The following ERC2 variants were observed in gnomAD, a reference collection of about 807,000 sequenced individuals.
ERC2 encodes the protein ELKS/RAB6-interacting/CAST family member 2, also known as ERC protein 2.
Under a neutral mutation model 114.8 loss-of-function variants are expected in ERC2, and 42 were observed. That is an observed-to-expected ratio of 0.37 (90% CI 0.29 to 0.47). The LOEUF is 0.47. ERC2 is among the 20% of genes least tolerant of loss of function. The pLI is 0.99. For synonymous variants in ERC2, 454 were observed against 425.5 expected (o/e 1.07, Z -0.82); for missense variants, 939 against 1,150.7 (o/e 0.82, Z 2.66).
intron 2 of ERC2, among the ~76,000 whole-genome samples, chr3:56,312,548 C>T (rs1428700975): frequency 6.6e-6 from 1 of 152,120 alleles, no homozygotes; most frequent in East Asian, 1.9e-4. Context: ...GATCATTACA[C>T]ATTCTATGCA....
intron 2 of ERC2, among the ~76,000 whole-genome samples, chr3:56,344,741 G>T (rs2058239747): frequency 6.6e-6 from 1 of 152,192 alleles, no homozygotes; most frequent in African/African-American, 2.4e-5. Flanking sequence ...CTCTGGTAAT[G>T]GTGGATCATT....
At chr3:55,879,422 G>T (rs2063020486) in intron 14 of ERC2, among the ~76,000 whole-genome samples, 1 of 152,106 alleles carries the variant, frequency 6.6e-6, no homozygotes, top group South Asian at 2.1e-4. Flanking sequence ...TCTTCTTACA[G>T]TCACTTCCTT....
At chr3:55,975,979 A>T (rs1024197232) in intron 12 of ERC2, among the ~76,000 whole-genome samples, 5 of 152,198 alleles carry the variant, frequency 3.3e-5, no homozygotes, top group Non-Finnish European at 7.3e-5. Flanking sequence ...TTCATATAGA[A>T]TTTGTCACCC....
At chr3:55,980,222 T>C (rs2069998823) in intron 12 of ERC2, among the ~76,000 whole-genome samples, 1 of 151,952 alleles carries the variant, frequency 6.6e-6, no homozygotes, top group Non-Finnish European at 1.5e-5. Flanking sequence ...TTAATATTAC[T>C]CTGAATCTAG....
intron 12 of ERC2, among the ~76,000 whole-genome samples, chr3:55,982,081 G>C (rs1322349218): frequency 6.6e-6 from 1 of 152,182 alleles, no homozygotes. Context: ...TAAAAGGAGA[G>C]GCTGGCTGGA....
chr3:55,722,314 A>T (rs1213097233), intron 15 of ERC2, among the ~76,000 whole-genome samples: 1 of 152,110 alleles, frequency 6.6e-6, no homozygotes, highest in African/African-American at 2.4e-5. Flanking sequence ...TAGCAACTGC[A>T]CGTGGGGAGC....
At chr3:55,672,167 A>G (rs1228074027) in intron 17 of ERC2, among the ~76,000 whole-genome samples, 1 of 151,924 alleles carries the variant, frequency 6.6e-6, no homozygotes, top group East Asian at 1.9e-4. Context: ...GCAAGATGCC[A>G]TCTCTAGGCC....
intron 17 of ERC2, among the ~76,000 whole-genome samples, chr3:55,670,199 A>C (rs1189122302): frequency 6.6e-6 from 1 of 152,218 alleles, no homozygotes; most frequent in African/African-American, 2.4e-5. Context: ...CACAGCTTTC[A>C]GGGACAGATC....
rs925359175 is a variant in ERC2, at chr3:56,219,251, A to C, written c.1075-45731T>G. ...ACTAAAGAACTTACTCATGTAACCA[A>C]ACACCACCTGCTCCCCTGAAACCTA... On this transcript the variant is annotated intron_variant, in intron 3 of 17. Transcript: ENST00000288221. Among the ~76,000 whole-genome samples, 34 of 152,258 alleles carry C rather than the reference A, an allele frequency of 2.2e-4. 1 individual carries two copies. In the South Asian group the frequency reaches 3.1e-3, roughly 14 times the overall value.
chr3:56,260,951 C>T (rs922012661), intron 3 of ERC2, among the ~76,000 whole-genome samples: 6 of 152,230 alleles, frequency 3.9e-5, no homozygotes, highest in African/African-American at 1.4e-4. Context: ...CTTGTCCACT[C>T]TATTGGTATT....
intron 13 of ERC2, among the ~76,000 whole-genome samples, chr3:55,939,850 T>G (rs966958836): frequency 4.6e-5 from 7 of 152,250 alleles, no homozygotes; most frequent in African/African-American, 1.7e-4. Context: ...CTGCACTGTG[T>G]ATCTTGTGTC....
At chr3:56,311,083 T>A (rs1318511779) in intron 2 of ERC2, among the ~76,000 whole-genome samples, 1 of 151,486 alleles carries the variant, frequency 6.6e-6, no homozygotes, top group Non-Finnish European at 1.5e-5. Context: ...AGTGGGTCAT[T>A]CACTCATTGA....
intron 2 of ERC2, among the ~76,000 whole-genome samples, chr3:56,327,160 G>A (rs1414996573): frequency 6.6e-6 from 1 of 152,202 alleles, no homozygotes; most frequent in East Asian, 1.9e-4. Flanking sequence ...GCCCAAGACT[G>A]GGTAATTTAT....
intron 17 of ERC2, among the ~76,000 whole-genome samples, chr3:55,594,033 T>C (rs2058024840): frequency 6.6e-6 from 1 of 152,192 alleles, no homozygotes; most frequent in South Asian, 2.1e-4. Flanking sequence ...CTCAAAGCAG[T>C]GACCTTCCTC....
chr3:55,766,814 GA>G, intron 14 of ERC2: 1 of 152,372 alleles, frequency 6.6e-6, no homozygotes, highest in Non-Finnish European at 1.5e-5. Context: ...AAATGTCTGA[GA>G]AAAAAGAGCT....
chr3:56,153,112 T>C (rs1244752645), intron 4 of ERC2, among the ~76,000 whole-genome samples: 1 of 152,230 alleles, frequency 6.6e-6, no homozygotes, highest in Non-Finnish European at 1.5e-5. Flanking sequence ...CTAGAACATG[T>C]GTGCTATAGA....
At chr3:55,535,883 A>C (rs2053968355) in intron 17 of ERC2, among the ~76,000 whole-genome samples, 1 of 152,086 alleles carries the variant, frequency 6.6e-6, no homozygotes, top group African/African-American at 2.4e-5. Context: ...AATCCCAGCT[A>C]CTCAGGAGGC....
chr3:55,523,160 G>A (rs1193424233), intron 17 of ERC2, among the ~76,000 whole-genome samples: 3 of 152,184 alleles, frequency 2.0e-5, no homozygotes, highest in Non-Finnish European at 2.9e-5. Flanking sequence ...AGTGGGTTCC[G>A]GGGGCACCCT....
At chr3:55,689,650 T>G (rs1356857734) in intron 16 of ERC2, among the ~76,000 whole-genome samples, 1 of 152,070 alleles carries the variant, frequency 6.6e-6, no homozygotes, top group Non-Finnish European at 1.5e-5. Context: ...TCCTTTTGAC[T>G]CTTCATTTCC....
Sources: allele counts gnomAD v4.1 joint callset (sites outside exome capture counted in the v4.1 genomes callset), GRCh38; gene constraint gnomAD v4.1.1; transcripts MANE v1.5; gene names NCBI Gene and HGNC (gene_info 2026-07-23, HGNC 2026-07-21).